Variants in MEGF11 observed in about 807,000 individuals in gnomAD.
MEGF11 encodes the protein multiple epidermal growth factor-like domains protein 11.
A neutral mutation model predicts 146.6 loss-of-function variants in MEGF11; 126 were observed. The ratio of observed to expected loss-of-function variants is 0.86; its 90% CI spans 0.74 to 1.00. The LOEUF (loss-of-function observed/expected upper bound fraction) is 1.00, where lower values mean the gene tolerates loss of function less well. MEGF11 is among the 50% of genes least tolerant of loss of function. MEGF11 has a pLI of 0.00. For synonymous variants in MEGF11, 532 were observed against 583.4 expected, an observed-to-expected ratio of 0.91 and a Z score of 1.27; for missense variants, 1,509 against 1,521.2, an observed-to-expected ratio of 0.99 and a Z score of 0.13.
intron 5 of MEGF11, among the ~76,000 whole-genome samples, chr15:66,023,920 G>C (rs1332599982): frequency 6.6e-6 from 1 of 152,216 alleles, no homozygotes; most frequent in African/African-American, 2.4e-5. Context: ...AAGGCTGCAG[G>C]GGGAGGGGAG....
chr15:65,989,096 A>T (rs1055810874), intron 5 of MEGF11, among the ~76,000 whole-genome samples: 1 of 152,226 alleles, frequency 6.6e-6, no homozygotes, highest in African/African-American at 2.4e-5. Context: ...GGGCCCAAGC[A>T]TAGGTCCCTT....
Position 65,957,649 on chromosome 15 carries a change from A to G in MEGF11, c.1185T>C (p.Pro395=). The change falls in exon 10 of 26, where the codon CCT becomes CCC. Residue 395 remains proline (P), a synonymous_variant. Transcript: ENST00000395614. Reference sequence around the variant, plus strand: ...GGCAGCCATCGCCATAGTAGCCAACAGGGCAGGATTCATTGCAGTGGTGAC... The same window carrying G: ...GGCAGCCATCGCCATAGTAGCCAACGGGGCAGGATTCATTGCAGTGGTGAC... The part of the protein sequence containing the change: ...WSGHHCNESC[P]VGYYGDGCQL... 1 of 1,614,010 alleles carries G rather than the reference A, an allele frequency of 6.2e-7. No homozygotes were observed. Among genetic ancestry groups the G allele is most frequent in the Non-Finnish European group, 8.5e-7 (1 of 1,179,904 alleles).
intron 5 of MEGF11, among the ~76,000 whole-genome samples, chr15:66,037,878 TGATCGGGACAA>T (rs1346543394): frequency 5.3e-4 from 80 of 152,106 alleles, no homozygotes; most frequent in African/African-American, 1.9e-3. Context: ...GAAGAGGAGG[TGATCGGGACAA>T]GCACAGGAGG....
chr15:66,020,918 G>C (rs1466449855), intron 5 of MEGF11, among the ~76,000 whole-genome samples: 1 of 148,354 alleles, frequency 6.7e-6, no homozygotes, highest in Non-Finnish European at 1.5e-5. Flanking sequence ...CGTGAACCCA[G>C]GAGGCGGAGC....
At chr15:66,181,409 CT>C (rs1490828844) in intron 1 of MEGF11, among the ~76,000 whole-genome samples, 1 of 152,146 alleles carries the variant, frequency 6.6e-6, no homozygotes, top group Non-Finnish European at 1.5e-5. Flanking sequence ...TTTATGCACA[CT>C]TGAATGCACA....
intron 24 of MEGF11, among the ~76,000 whole-genome samples, chr15:65,905,119 C>T (rs2078587797): frequency 6.6e-6 from 1 of 152,204 alleles, no homozygotes; most frequent in Admixed American, 6.5e-5. Flanking sequence ...TCTTGAACTC[C>T]TGACCTTAAG....
chr15:65,965,243 C>T (rs868839961), intron 8 of MEGF11, 123 bp from the exon 9 acceptor site: 1 of 701,550 alleles, frequency 1.4e-6, no homozygotes. Context: ...ACGCTGCTCA[C>T]AGCCTCCTCC....
intron 5 of MEGF11, among the ~76,000 whole-genome samples, chr15:66,069,593 G>A (rs1161794181): frequency 1.3e-5 from 2 of 152,170 alleles, no homozygotes. Flanking sequence ...GGACCATCCT[G>A]CCTCCAGAAC....
chr15:66,217,482 G>A (rs560376766), intron 1 of MEGF11, among the ~76,000 whole-genome samples: 126 of 152,338 alleles, frequency 8.3e-4, no homozygotes, highest in African/African-American at 2.9e-3. Context: ...TACAGAACTT[G>A]TTGTTTGATG....
At chr15:66,204,258 C>T (rs2091243265) in intron 1 of MEGF11, among the ~76,000 whole-genome samples, 1 of 151,970 alleles carries the variant, frequency 6.6e-6, no homozygotes, top group African/African-American at 2.4e-5. Context: ...AAAAATTAGC[C>T]ACATGTTGGG....
chr15:65,922,153 C>G (rs1567158457), intron 15 of MEGF11, 185 bp downstream of exon 15: 1 of 639,558 alleles, frequency 1.6e-6, no homozygotes, highest in Non-Finnish European at 2.7e-6. Context: ...AGGCTGTTAA[C>G]TGTGTTAGGG....
intron 1 of MEGF11, among the ~76,000 whole-genome samples, chr15:66,145,197 GTC>G (rs1407344825): frequency 6.6e-6 from 1 of 152,198 alleles, no homozygotes; most frequent in Non-Finnish European, 1.5e-5. Flanking sequence ...ATCTGATGGT[GTC>G]TGTTCTCCCT....
chr15:66,106,902 G>A (rs1312170409), intron 4 of MEGF11, among the ~76,000 whole-genome samples: 1 of 152,144 alleles, frequency 6.6e-6, no homozygotes, highest in Non-Finnish European at 1.5e-5. Flanking sequence ...CTTCTCATTG[G>A]TAAATGGTTG....
intron 19 of MEGF11, 110 bp downstream of exon 19, chr15:65,915,360 A>G (rs935279214): frequency 5.7e-6 from 8 of 1,403,478 alleles, no homozygotes; most frequent in Non-Finnish European, 7.7e-6. Context: ...GTCCTCACAA[A>G]TGTGAATAAA....
chr15:66,123,894 CT>C lies in MEGF11; in HGVS notation c.200+4del, dbSNP rs1453090857. On this transcript the variant is annotated splice_donor_region_variant and intron_variant, in intron 3 of 25. Coordinates refer to ENST00000395614, the MANE Select transcript of MEGF11 (RefSeq NM_001385028.1). ...CCTGCCCCATCATCTGAGAGAGGTA[CT>C]CACCGGTGCCTGGTGCACTTGAACC... 1 of 1,611,238 alleles carries C rather than the reference CT, an allele frequency of 6.2e-7. No individual in the cohort carries two copies. Among genetic ancestry groups the C allele is most frequent in the South Asian group, 1.1e-5 (1 of 91,022 alleles).
intron 9 of MEGF11, among the ~76,000 whole-genome samples, chr15:65,958,727 G>C (rs1427689527): frequency 6.6e-6 from 1 of 152,166 alleles, no homozygotes; most frequent in African/African-American, 2.4e-5. Context: ...CCTTACATGT[G>C]ATCTGTCAGC....
At chr15:66,170,016 A>G (rs1355449251) in intron 1 of MEGF11, among the ~76,000 whole-genome samples, 1 of 14,824 alleles carries the variant, frequency 6.7e-5, no homozygotes, top group Non-Finnish European at 8.3e-4. Flanking sequence ...CGTCTGCCGA[A>G]AAAAAAAAAA....
rs1395637684 is a variant in MEGF11, at chr15:66,128,351, AG to A, written c.52del (p.Ala19ProfsTer2). ...GTTGGGGTCCTCGGGGTTCAGGGCA[AG>A]GGTGGCTTGCAGGAAGGAGAAGGCA... is the stretch of plus-strand genomic sequence containing the variant. Reference protein sequence around the residue: ...LIAFSFLQATLALNPEDPNVC... With the variant: ...LIAFSFLQATXALNPEDPNVC... On this transcript the variant is annotated frameshift_variant, in exon 2 of 26. Transcript: ENST00000395614. LOFTEE classifies it high-confidence loss of function. 6.6e-7 allele frequency: 1 copy of A among 1,525,932 alleles called. No homozygotes were observed. The highest frequency in any genetic ancestry group is 2.1e-5 in the Admixed American group (1 of 47,610). 94.5% of individuals were successfully genotyped at this position (1,525,932 alleles called of 1,614,324 possible). A position where few individuals can be genotyped will look rare whatever the true frequency, so the allele number is the denominator to read the frequency against.
intron 3 of MEGF11, among the ~76,000 whole-genome samples, chr15:66,120,427 C>G (rs1027419566): frequency 6.6e-6 from 1 of 152,186 alleles, no homozygotes; most frequent in Non-Finnish European, 1.5e-5. Context: ...CATCAGCACC[C>G]AAGGGGAGCT....
Sources: allele counts gnomAD v4.1 joint callset (sites outside exome capture counted in the v4.1 genomes callset), GRCh38; gene constraint gnomAD v4.1.1; transcripts MANE v1.5; gene names NCBI Gene and HGNC (gene_info 2026-07-23, HGNC 2026-07-21).